Variants in JMJD1C observed in about 807,000 individuals in gnomAD.
JMJD1C encodes the protein jumonji domain-containing protein 1C.
A neutral mutation model predicts 245.3 loss-of-function variants in JMJD1C; 31 were observed. That is an observed-to-expected ratio of 0.13 (90% CI 0.09 to 0.17). The LOEUF (loss-of-function observed/expected upper bound fraction) is 0.17, where lower values mean the gene tolerates loss of function less well. Ranked by LOEUF, JMJD1C falls within the 10% of genes least tolerant of loss-of-function variation. The probability of loss-of-function intolerance (pLI) is 1.00; values close to 1 mark genes in which losing one functional copy is unlikely to be tolerated. For synonymous variants in JMJD1C, 1,057 were observed against 1,017.4 expected (o/e 1.04, Z -0.74); for missense variants, 2,691 against 3,000.2 (o/e 0.90, Z 2.41).
chr10:63,294,909 G>A (rs1859190878), intron 2 of JMJD1C, among the ~76,000 whole-genome samples: 1 of 152,046 alleles, frequency 6.6e-6, no homozygotes. Context: ...CAGCTCCTAG[G>A]AAGTTAATTT....
chr10:63,382,648 A>G (rs1324111636), intron 1 of JMJD1C, among the ~76,000 whole-genome samples: 1 of 152,228 alleles, frequency 6.6e-6, no homozygotes, highest in Non-Finnish European at 1.5e-5. Context: ...CAAGGATGTT[A>G]TAATTTGGAA....
intron 1 of JMJD1C, among the ~76,000 whole-genome samples, chr10:63,521,205 C>A (rs545151980): frequency 6.6e-6 from 1 of 151,998 alleles, no homozygotes; most frequent in Non-Finnish European, 1.5e-5. Flanking sequence ...CCAGCGCGGG[C>A]TAGGATCCCG....
At chr10:63,234,493 T>TAAAAAAAA (rs71025129) in intron 3 of JMJD1C, among the ~76,000 whole-genome samples, 371 of 36,972 alleles carry the variant, frequency 0.01, 6 homozygotes, top group Admixed American at 0.017. Context: ...AACCTCCTCT[T>TAAAAAAAA]AAAAAAAAAA....
intron 1 of JMJD1C, among the ~76,000 whole-genome samples, chr10:63,506,264 G>C (rs775959490): frequency 6.6e-6 from 1 of 152,166 alleles, no homozygotes; most frequent in Admixed American, 6.5e-5. Context: ...TGTTGGTTGG[G>C]ATTTAGGAAG....
intron 2 of JMJD1C, among the ~76,000 whole-genome samples, chr10:63,350,728 T>A (rs1046569055): frequency 1.3e-5 from 2 of 151,818 alleles, no homozygotes; most frequent in African/African-American, 4.8e-5. Flanking sequence ...GCCATTCTCC[T>A]GCCTCAGCCT....
chr10:63,460,642 G>T (rs943828353), intron 1 of JMJD1C, among the ~76,000 whole-genome samples: 1 of 151,946 alleles, frequency 6.6e-6, no homozygotes, highest in Non-Finnish European at 1.5e-5. Context: ...TGCTAGGTAC[G>T]GTACTAAATA....
intron 2 of JMJD1C, among the ~76,000 whole-genome samples, chr10:63,322,564 C>T (rs1423646749): frequency 6.6e-6 from 1 of 152,012 alleles, no homozygotes; most frequent in Non-Finnish European, 1.5e-5. Flanking sequence ...CCTGTACTCC[C>T]AGCACTTTGG....
chr10:63,236,380 CATT>C (rs1164975075), intron 3 of JMJD1C, among the ~76,000 whole-genome samples: 1 of 152,132 alleles, frequency 6.6e-6, no homozygotes, highest in African/African-American at 2.4e-5. Context: ...ATTAAGAAAA[CATT>C]ATAAAACCAC....
intron 1 of JMJD1C, among the ~76,000 whole-genome samples, chr10:63,428,987 T>C (rs1564910845): frequency 6.6e-6 from 1 of 151,674 alleles, no homozygotes; most frequent in African/African-American, 2.4e-5. Context: ...TTTCTTTTGG[T>C]GGGGGGGAGG....
intron 1 of JMJD1C, chr10:63,427,691 T>G (rs1186788917): frequency 7.7e-7 from 1 of 1,295,412 alleles, no homozygotes; most frequent in Non-Finnish European, 1.1e-6. Context: ...GAAGCCTGGG[T>G]CTCCTCTAGC....
chr10:63,174,533 C>CT (rs2132783691), intron 24 of JMJD1C, among the ~76,000 whole-genome samples: 1 of 151,632 alleles, frequency 6.6e-6, no homozygotes, highest in Admixed American at 6.6e-5. Context: ...AAGAGGCTGA[C>CT]TATAAAAGTG....
intron 2 of JMJD1C, among the ~76,000 whole-genome samples, chr10:63,353,458 T>G (rs1410966503): frequency 1.3e-5 from 2 of 152,202 alleles, no homozygotes; most frequent in Admixed American, 1.3e-4. Flanking sequence ...AGATTTTTAT[T>G]TGGAAATATA....
chr10:63,242,024 A>G (rs558561765), intron 3 of JMJD1C, among the ~76,000 whole-genome samples: 2 of 152,344 alleles, frequency 1.3e-5, no homozygotes, highest in East Asian at 1.9e-4. Context: ...CCTTTGTGCA[A>G]CAGGAGAAAG....
chr10:63,498,041 C>A lies in JMJD1C; in HGVS notation n.113+23697G>T, dbSNP rs563956003. ...ACTTCATGGAGAGATGAAGAAGATA[C>A]CTATCAAAGAGTGATACGGTCTCTG... On this transcript the variant is annotated intron_variant and non_coding_transcript_variant, in intron 1 of 3. Coordinates refer to the JMJD1C transcript ENST00000633035. Among the ~76,000 whole-genome samples, 22 of 152,216 alleles carry A rather than the reference C, an allele frequency of 1.4e-4. No homozygotes were observed. The South Asian group carries it at 4.6e-3, about 32-fold the overall frequency.
intron 2 of JMJD1C, among the ~76,000 whole-genome samples, chr10:63,379,770 T>C (rs1314570723): frequency 6.6e-6 from 1 of 152,190 alleles, no homozygotes; most frequent in Admixed American, 6.5e-5. Context: ...ATTAACTACA[T>C]ACGCTGACAG....
intron 1 of JMJD1C, among the ~76,000 whole-genome samples, chr10:63,388,262 A>C (rs1185790592): frequency 6.6e-6 from 1 of 152,112 alleles, no homozygotes; most frequent in Non-Finnish European, 1.5e-5. Context: ...CTTATTAATG[A>C]ACCCCAATCA....
intron 2 of JMJD1C, among the ~76,000 whole-genome samples, chr10:63,271,756 C>T (rs903067764): frequency 5.3e-5 from 8 of 152,072 alleles, no homozygotes; most frequent in African/African-American, 1.9e-4. Flanking sequence ...ATACCACATA[C>T]ATAATCCCTT....
chr10:63,502,623 C>A (rs975269706), intron 1 of JMJD1C, among the ~76,000 whole-genome samples: 4 of 114,060 alleles, frequency 3.5e-5, no homozygotes, highest in Admixed American at 1.2e-4. Flanking sequence ...GGTGACAGAG[C>A]GAGACTTTGT....
intron 2 of JMJD1C, among the ~76,000 whole-genome samples, chr10:63,370,495 C>A (rs1946223322): frequency 6.6e-6 from 1 of 152,174 alleles, no homozygotes; most frequent in African/African-American, 2.4e-5. Context: ...ATGGAAGAAT[C>A]AGGATTTGAA....
Sources: gnomAD v4.1 joint callset for allele counts (sites outside exome capture counted in the v4.1 genomes callset) on GRCh38, gnomAD v4.1.1 for gene constraint, MANE v1.5 for transcripts, NCBI Gene and HGNC (gene_info 2026-07-23, HGNC 2026-07-21) for gene names.